DNAJC13: variants seen among roughly 807,000 people sequenced by gnomAD.
DNAJC13 encodes DnaJ heat shock protein family (Hsp40) member C13.
Under a neutral mutation model 290.5 loss-of-function variants are expected in DNAJC13, and 75 were observed. That is an observed-to-expected ratio of 0.26 (90% CI 0.21 to 0.31). The LOEUF (loss-of-function observed/expected upper bound fraction) is 0.31. DNAJC13 is among the 10% of genes least tolerant of loss of function. The pLI, the probability that DNAJC13 is intolerant of heterozygous loss-of-function variation, is 1.00. For synonymous variants in DNAJC13, 862 were observed against 892.0 expected, an observed-to-expected ratio of 0.97 and a Z score of 0.60; for missense variants, 2,260 against 2,674.5, an observed-to-expected ratio of 0.85 and a Z score of 3.42.
intron 1 of DNAJC13, among the ~76,000 whole-genome samples, chr3:132,433,238 G>A (rs1337955706): frequency 6.6e-6 from 1 of 152,118 alleles, no homozygotes; most frequent in Non-Finnish European, 1.5e-5. Flanking sequence ...TGAGGAAATT[G>A]TTCTATTTTT....
intron 39 of DNAJC13, 91 bp downstream of exon 39, chr3:132,501,004 C>T: frequency 1.4e-6 from 2 of 1,429,028 alleles, no homozygotes; most frequent in South Asian, 2.7e-5. Context: ...ACATTGTTTT[C>T]CCAAAGTTAT....
rs1933893291 is a variant in DNAJC13, at chr3:132,463,948, CTTTCCTTACAGAAGGA to C, written c.1892+135_1892+150del. ...TCTTTTGATCCACCTAGTTCTTTTCCTTTCCTTACAGAAGGATTTTGCCCAAGTGATCACTGTCCCT... is the reference window on the plus strand; with the variant it reads ...TCTTTTGATCCACCTAGTTCTTTTCCTTTTGCCCAAGTGATCACTGTCCCT... On this transcript the variant is annotated intron_variant, in intron 17 of 55. Transcript: ENST00000260818. 21 of 1,070,070 alleles carry C rather than the reference CTTTCCTTACAGAAGGA, an allele frequency of 2.0e-5. No homozygotes were observed. The South Asian group carries it at 4.2e-4, about 21-fold the overall frequency. 66.3% of individuals were successfully genotyped at this position (1,070,070 alleles called of 1,614,324 possible). A position where few individuals can be genotyped will look rare whatever the true frequency, so the allele number is the denominator to read the frequency against.
At position 132,523,219 on chromosome 3, in the gene DNAJC13, T is replaced by C. The variant is rs2107745048; in HGVS notation, c.5886+20T>C. Reference sequence around the variant, plus strand: ...TGGAAGGTAAAATATACTTTTATTTTACATCTTATTTTCTGTTGATTTAGT... The same window carrying C: ...TGGAAGGTAAAATATACTTTTATTTCACATCTTATTTTCTGTTGATTTAGT... On this transcript the variant is annotated intron_variant, in intron 50 of 55. Coordinates refer to ENST00000260818, the MANE Select transcript of DNAJC13 (RefSeq NM_015268.4). The C allele has an allele frequency of 6.2e-7, 1 of 1,612,812 alleles. No individual in the cohort carries two copies. Among genetic ancestry groups the C allele is most frequent in the Non-Finnish European group, 8.5e-7 (1 of 1,178,932 alleles).
At chr3:132,489,668 A>T (rs1439116535) in intron 31 of DNAJC13, among the ~76,000 whole-genome samples, 1 of 152,098 alleles carries the variant, frequency 6.6e-6, no homozygotes, top group African/African-American at 2.4e-5. Flanking sequence ...AAACCAGACC[A>T]CTGTTGAGAA....
chr3:132,495,531 T>C (rs1457708534), intron 35 of DNAJC13, among the ~76,000 whole-genome samples: 3 of 152,182 alleles, frequency 2.0e-5, no homozygotes, highest in Non-Finnish European at 1.5e-5. Context: ...TTGGGCAATT[T>C]ATGTAATTTT....
intron 21 of DNAJC13, 132 bp downstream of exon 21, chr3:132,473,359 A>G (rs1044619078): frequency 1.3e-5 from 8 of 626,986 alleles, no homozygotes; most frequent in African/African-American, 5.7e-5. Flanking sequence ...TTCAGGAACT[A>G]TAACTGTTAA....
At chr3:132,497,897 G>A (rs1935285758) in intron 36 of DNAJC13, among the ~76,000 whole-genome samples, 1 of 151,856 alleles carries the variant, frequency 6.6e-6, no homozygotes, top group South Asian at 2.1e-4. Context: ...TGTTCCAGGG[G>A]GCCTTTTTTT....
chr3:132,460,189 C>T lies in DNAJC13; in HGVS notation c.1450-61C>T, dbSNP rs141053842. 142 of 1,103,012 alleles carry T rather than the reference C, an allele frequency of 1.3e-4. 2 individuals are homozygous for T. The highest frequency in any genetic ancestry group is 6.6e-4 in the South Asian group (43 of 65,370). The allele number at this position is 1,103,012 out of a possible 1,614,324, so 68.3% of individuals were successfully genotyped here. ...GAATACTGTTTATAAATGACTTTTG[C>T]GTGATGCTAGCACATGGGACTGCTT... On this transcript the variant is annotated intron_variant, in intron 13 of 55. Coordinates refer to ENST00000260818, the MANE Select transcript of DNAJC13 (RefSeq NM_015268.4).
At chr3:132,464,609 AT>A (rs552840100) in intron 17 of DNAJC13, among the ~76,000 whole-genome samples, 4 of 149,674 alleles carry the variant, frequency 2.7e-5, no homozygotes, top group African/African-American at 4.9e-5. Context: ...CTTGCCAGGG[AT>A]TTTTTTTTTA....
chr3:132,513,170 G>T lies in DNAJC13; in HGVS notation c.5385+71G>T, dbSNP rs1024838175. ...CCATGTGTAATTTGAGTCTCTATCAGTCATTGTCTGAAGTTGAAGTGTGCT... is the reference window on the plus strand; with the variant it reads ...CCATGTGTAATTTGAGTCTCTATCATTCATTGTCTGAAGTTGAAGTGTGCT... On this transcript the variant is annotated intron_variant, in intron 45 of 55. Coordinates refer to ENST00000260818, the MANE Select transcript of DNAJC13 (RefSeq NM_015268.4). The T allele has an allele frequency of 3.9e-6, 5 of 1,274,938 alleles. No homozygotes were observed. In the African/African-American group the frequency reaches 5.9e-5, roughly 15 times the overall value. 79.0% of individuals were successfully genotyped at this position (1,274,938 alleles called of 1,614,324 possible). A position where few individuals can be genotyped will look rare whatever the true frequency, so the allele number is the denominator to read the frequency against.
intron 42 of DNAJC13, among the ~76,000 whole-genome samples, chr3:132,505,784 G>C (rs992110647): frequency 2.0e-5 from 3 of 151,706 alleles, no homozygotes; most frequent in Admixed American, 6.6e-5. Context: ...CTATTACTGA[G>C]CCGTGAAAAA....
rs1206448865 is a variant in DNAJC13 at position 132,450,597 on chromosome 3, T to C, written c.337-50T>C. 3 of 1,366,640 alleles carry C rather than the reference T, an allele frequency of 2.2e-6. No homozygotes were observed. In the South Asian group the frequency reaches 4.0e-5, roughly 18 times the overall value. 84.7% of individuals were successfully genotyped at this position (1,366,640 alleles called of 1,614,324 possible). ...GACTGTGATACATTAAATTTTATTTTATATGATTTTATTTTATGAACCTAA... is the reference window on the plus strand; with the variant it reads ...GACTGTGATACATTAAATTTTATTTCATATGATTTTATTTTATGAACCTAA... On this transcript the variant is annotated intron_variant, in intron 5 of 55. Coordinates refer to ENST00000260818, the MANE Select transcript of DNAJC13 (RefSeq NM_015268.4).
rs754961528 is a variant in DNAJC13 at position 132,502,286 on chromosome 3, C to CA, written c.4537-2dup. 4 of 1,599,992 alleles carry CA rather than the reference C, an allele frequency of 2.5e-6. No homozygotes were observed. The highest frequency in any genetic ancestry group is 2.7e-5 in the African/African-American group (2 of 73,076). On this transcript the variant is annotated splice_region_variant and splice_polypyrimidine_tract_variant and intron_variant, in intron 39 of 55. Coordinates refer to ENST00000260818, the MANE Select transcript of DNAJC13 (RefSeq NM_015268.4). ...ACTAATGCTCTCATTTTTATTCTCT[C>CA]AGAGTATTCCCCGCGTAGCTGCTCT...
intron 1 of DNAJC13, among the ~76,000 whole-genome samples, chr3:132,425,195 CTT>C (rs1426460005): frequency 2.6e-5 from 4 of 152,092 alleles, no homozygotes; most frequent in African/African-American, 9.7e-5. Flanking sequence ...AAGGGTTAGT[CTT>C]TCCATGGTTC....
chr3:132,477,914 G>A, intron 23 of DNAJC13, 22 bp downstream of exon 23: 1 of 1,604,768 alleles, frequency 6.2e-7, no homozygotes, highest in South Asian at 1.1e-5. Flanking sequence ...TGTATATCCT[G>A]TCGCATTTGT....
chr3:132,488,183 G>C, intron 29 of DNAJC13, 115 bp from the exon 30 acceptor site: 1 of 922,604 alleles, frequency 1.1e-6, no homozygotes, highest in Non-Finnish European at 1.5e-6. Flanking sequence ...ACTCCCATGG[G>C]TTTTTATTTT....
intron 1 of DNAJC13, among the ~76,000 whole-genome samples, chr3:132,420,428 A>G (rs1410632199): frequency 6.6e-6 from 1 of 152,110 alleles, no homozygotes; most frequent in East Asian, 1.9e-4. Flanking sequence ...TGCCTGGAGG[A>G]GGGGCCCTGA....
Position 132,467,269 on chromosome 3 carries a change from G to GTATTGA in DNAJC13, c.2166_2171dup (p.Leu723_Met724insIleLeu). 2.5e-6 allele frequency: 4 copies of GTATTGA among 1,614,014 alleles called. No homozygotes were observed. Among genetic ancestry groups the GTATTGA allele is most frequent in the Non-Finnish European group, 3.4e-6 (4 of 1,179,962 alleles). ...ATTTGCCAAAGAAAAAGTGGATCTTGTATTGATGCACTGGAGGGATAGGAT... is the reference window on the plus strand; with the variant it reads ...ATTTGCCAAAGAAAAAGTGGATCTTGTATTGATATTGATGCACTGGAGGGATAGGAT... On this transcript the variant is annotated inframe_insertion, in exon 20 of 56. Coordinates refer to ENST00000260818, the MANE Select transcript of DNAJC13 (RefSeq NM_015268.4).
In DNAJC13 at chr3:132,437,291, C is replaced by T. The variant is rs73215988; in HGVS notation, c.68+2673C>T. On this transcript the variant is annotated intron_variant, in intron 2 of 55. Transcript: ENST00000260818. ...TGATTTGCAAATATTTTCTCCAATT[C>T]TTCAGATTTTTTTACTTTCTTGATG... Among the ~76,000 whole-genome samples the T allele has an allele frequency of 9.9e-3, 1,512 of 152,232 alleles. 12 individuals carry two copies. The highest frequency in any genetic ancestry group is 0.015 in the Non-Finnish European group (1,011 of 68,002).
Sources: gnomAD v4.1 joint callset for allele counts (sites outside exome capture counted in the v4.1 genomes callset) on GRCh38, gnomAD v4.1.1 for gene constraint, MANE v1.5 for transcripts, NCBI Gene and HGNC (gene_info 2026-07-23, HGNC 2026-07-21) for gene names.